The following BIN1 variants were observed in gnomAD, a reference collection of about 807,000 sequenced individuals.
BIN1 encodes the protein myc box-dependent-interacting protein 1.
BIN1 carries 53 observed loss-of-function variants against 82.0 expected under a neutral mutation model. The observed-to-expected ratio is 0.65, with a 90% CI of 0.52 to 0.81. The LOEUF is 0.81. Among genes scored for constraint, BIN1 ranks in the 40% least tolerant of loss-of-function variants. The pLI is 0.00. For missense variants in BIN1, 642 were observed against 784.4 expected, an observed-to-expected ratio of 0.82 and a Z score of 2.17; for synonymous variants, 302 against 328.0, an observed-to-expected ratio of 0.92 and a Z score of 0.86.
chr2:127,081,688 C>A, intron 1 of BIN1: 1 of 896,032 alleles, frequency 1.1e-6, no homozygotes, highest in South Asian at 1.7e-5. Flanking sequence ...CAGCCAGCGG[C>A]ACCCCTCGTC....
Position 127,048,123 on chromosome 2 carries a change from C to A in BIN1, c.*403G>T. On this transcript the variant is annotated 3_prime_UTR_variant, in exon 19 of 19. Transcript: ENST00000316724. Reference sequence around the variant, plus strand: ...CACACAGACCGTCTGCGGGGCAGAGCCAGGCTAGGCTGGTGTCTGGGCCCC... The same window carrying A: ...CACACAGACCGTCTGCGGGGCAGAGACAGGCTAGGCTGGTGTCTGGGCCCC... The A allele has an allele frequency of 3.4e-6, 1 of 292,996 alleles. No homozygotes were observed. Among genetic ancestry groups the A allele is most frequent in the East Asian group, 8.8e-5 (1 of 11,394 alleles). The allele number at this position is 292,996 out of a possible 1,614,324, so 18.1% of individuals were successfully genotyped here. A position where few individuals can be genotyped will look rare whatever the true frequency, so the allele number is the denominator to read the frequency against.
At chr2:127,092,973 G>A (rs1679126541) in intron 1 of BIN1, among the ~76,000 whole-genome samples, 1 of 151,712 alleles carries the variant, frequency 6.6e-6, no homozygotes, top group Non-Finnish European at 1.5e-5. Flanking sequence ...ACAGACAGAG[G>A]GGCCAATCCC....
rs534256537 is a variant in BIN1, at chr2:127,067,480, G to C, written c.612+683C>G. On this transcript the variant is annotated intron_variant, in intron 7 of 18. Transcript: ENST00000316724. The surrounding 1 kb of genome is among the most constrained non-coding windows in gnomAD (Gnocchi z 4.7). ...GGAGTTTTGTAAAAAAGCCTCCTCC[G>C]GGAAGCCCCCCAGGAACACTGTGGT... 6.6e-6 allele frequency among the ~76,000 whole-genome samples: 1 copy of C among 152,134 alleles called. No homozygotes were observed. The highest frequency in any genetic ancestry group is 1.5e-5 in the Non-Finnish European group (1 of 68,012).
intron 1 of BIN1, among the ~76,000 whole-genome samples, chr2:127,079,078 C>T (rs909381767): frequency 6.6e-6 from 1 of 152,204 alleles, no homozygotes; most frequent in African/African-American, 2.4e-5. Context: ...CAGTCTTCCC[C>T]ACCCACACTG....
In BIN1 at chr2:127,048,464, A is replaced by G; in HGVS notation, c.*62T>C. ...AAAACGAAAACAAAACAAAAAAAAG[A>G]ACCACACATTTTTCGGGAGGAGGTG... On this transcript the variant is annotated 3_prime_UTR_variant, in exon 19 of 19. Transcript: ENST00000316724. The G allele has an allele frequency of 6.8e-7, 1 of 1,478,486 alleles. No homozygotes were observed. Among genetic ancestry groups the G allele is most frequent in the Non-Finnish European group, 9.4e-7 (1 of 1,059,484 alleles). The allele number at this position is 1,478,486 out of a possible 1,614,324, so 91.6% of individuals were successfully genotyped here.
chr2:127,076,717 C>G lies in BIN1; in HGVS notation c.85-11G>C. 1 of 1,614,044 alleles carries G rather than the reference C, an allele frequency of 6.2e-7. No homozygotes were observed. The highest frequency in any genetic ancestry group is 1.3e-5 in the African/African-American group (1 of 75,028). On this transcript the variant is annotated splice_polypyrimidine_tract_variant and intron_variant, in intron 1 of 18. Transcript: ENST00000316724. ...CAGCTTCTGGAGAACCTGCCGAAGC[C>G]AAGAGAGAAGGGGAGAGTGTTACCT...
At position 127,052,281 on chromosome 2, in the gene BIN1, G is replaced by A; in HGVS notation, c.1345C>T (p.Gln449Ter). 6.3e-7 allele frequency: 1 copy of A among 1,580,972 alleles called. No individual in the cohort carries two copies. Among genetic ancestry groups the A allele is most frequent in the Non-Finnish European group, 8.6e-7 (1 of 1,163,636 alleles). ...EGTFAVSWPSQTAEPGPAQPA... is the reference protein window; with the variant it reads ...EGTFAVSWPS Reference sequence around the variant, plus strand: ...TGGGCAGGCCCCGGCTCGGCCGTCTGGCTGGGCCAGGACACAGCAAAGGTG... The same window carrying A: ...TGGGCAGGCCCCGGCTCGGCCGTCTAGCTGGGCCAGGACACAGCAAAGGTG... The change falls in exon 15 of 19, where the codon CAG becomes TAG. Residue 449 changes from glutamine (Q) to a stop codon, truncating the protein, a stop_gained. Coordinates refer to ENST00000316724, the MANE Select transcript of BIN1 (RefSeq NM_139343.3). LOFTEE classifies it high-confidence loss of function.
Position 127,090,160 on chromosome 2 carries a change from A to C in BIN1, c.85-13454T>G, listed in dbSNP as rs35589443. Among the ~76,000 whole-genome samples the C allele has an allele frequency of 0.019, 2,874 of 152,218 alleles. 41 individuals carry two copies. Among genetic ancestry groups the C allele is most frequent in the Middle Eastern group, 0.041 (12 of 294 alleles). On this transcript the variant is annotated intron_variant, in intron 1 of 18. Coordinates refer to ENST00000316724, the MANE Select transcript of BIN1 (RefSeq NM_139343.3). This position sits in a 1 kb window ranked among gnomAD's most constrained non-coding sequence, Gnocchi z 6.4. ...GCAGCCTCCTTGCCTGCAGCTCTGC[A>C]AGGACCCTGCAAGCCACCCCATTAC...
At chr2:127,104,162 A>C (rs2105357440) in intron 1 of BIN1, among the ~76,000 whole-genome samples, 1 of 152,292 alleles carries the variant, frequency 6.6e-6, no homozygotes, top group African/African-American at 2.4e-5. Context: ...AGAACAAACA[A>C]CACAAATCAA....
At position 127,052,324 on chromosome 2, in the gene BIN1, C is replaced by T. The variant is rs1458522672; in HGVS notation, c.1302G>A (p.Glu434=). 1 of 1,587,686 alleles carries T rather than the reference C, an allele frequency of 6.3e-7. No individual in the cohort carries two copies. The change falls in exon 15 of 19, where the codon GAG becomes GAA. Residue 434 remains glutamate (E), a synonymous_variant. Transcript: ENST00000316724. The stretch of plus-strand genomic sequence containing the variant: ...CAAAGGTGCCCTCGGCAGCGCTGGG[C>T]TCCCCGGAAGGCAGGCTGCCGGCTG... The part of the protein sequence containing the change: ...ESPAGSLPSG[E]PSAAEGTFAV...
At chr2:127,094,897 C>T (rs748081742) in intron 1 of BIN1, among the ~76,000 whole-genome samples, 46 of 152,186 alleles carry the variant, frequency 3.0e-4, no homozygotes, top group Non-Finnish European at 3.4e-4. Context: ...GAAAGGACCC[C>T]CTCAATTGGG....
chr2:127,053,380 G>T, intron 14 of BIN1, 42 bp downstream of exon 14: 1 of 1,612,980 alleles, frequency 6.2e-7, no homozygotes, highest in South Asian at 1.1e-5. Context: ...ACGGAAGAGT[G>T]GCTCCCCCAG....
At chr2:127,074,341 T>C (rs1686322971) in intron 2 of BIN1, among the ~76,000 whole-genome samples, 1 of 152,068 alleles carries the variant, frequency 6.6e-6, no homozygotes, top group Non-Finnish European at 1.5e-5. Flanking sequence ...AGCCCCAGCC[T>C]TGAACAAGAC....
At chr2:127,089,419 T>C (rs932433677) in intron 1 of BIN1, among the ~76,000 whole-genome samples, 2 of 152,200 alleles carry the variant, frequency 1.3e-5, no homozygotes, top group Non-Finnish European at 2.9e-5. Context: ...CTGACTGCAC[T>C]GACCCAGGTG....
At chr2:127,050,994 G>T in intron 16 of BIN1, 82 bp from the exon 17 acceptor site, 2 of 1,516,588 alleles carry the variant, frequency 1.3e-6, no homozygotes, top group Non-Finnish European at 1.8e-6. Context: ...GGGGCGGGGA[G>T]GGGAGAAAGG....
chr2:127,076,572 C>T (rs1167088304), intron 2 of BIN1, 54 bp downstream of exon 2: 1 of 1,603,004 alleles, frequency 6.2e-7, no homozygotes, highest in Non-Finnish European at 8.5e-7. Flanking sequence ...CCATTTTTCA[C>T]CTGGCAGCCG....
intron 1 of BIN1, among the ~76,000 whole-genome samples, chr2:127,084,597 A>G (rs1039055942): frequency 6.6e-6 from 1 of 152,224 alleles, no homozygotes; most frequent in African/African-American, 2.4e-5. Flanking sequence ...GCGTTCCCTC[A>G]TGCTCAGAGC....
At chr2:127,074,472 G>A (rs1365340458) in intron 2 of BIN1, among the ~76,000 whole-genome samples, 1 of 152,222 alleles carries the variant, frequency 6.6e-6, no homozygotes. Flanking sequence ...CAGCCCAGCA[G>A]CCACCTGGCA....
intron 7 of BIN1, chr2:127,064,891 C>A (rs1167681439): frequency 6.6e-6 from 1 of 152,360 alleles, no homozygotes; most frequent in Admixed American, 6.5e-5. Context: ...AGGGGCTGTG[C>A]TGGCTCACTG....
Sources: allele counts gnomAD v4.1 joint callset (sites outside exome capture counted in the v4.1 genomes callset), GRCh38; gene constraint gnomAD v4.1.1; non-coding constraint Gnocchi (gnomAD v3.1); transcripts MANE v1.5; gene names NCBI Gene and HGNC (gene_info 2026-07-23, HGNC 2026-07-21).